Variants in STXBP4 observed in about 807,000 individuals in gnomAD.
STXBP4 encodes syntaxin binding protein 4, also known as syntaxin-binding protein 4.
STXBP4 carries 55 observed loss-of-function variants against 76.1 expected under a neutral mutation model. The observed-to-expected ratio is 0.72, with a 90% CI of 0.58 to 0.91. The LOEUF (loss-of-function observed/expected upper bound fraction) is 0.91, where lower values mean the gene tolerates loss of function less well. Ranked by LOEUF, STXBP4 falls within the 40% of genes least tolerant of loss-of-function variation. The probability of loss-of-function intolerance (pLI) is 0.00; values close to 1 mark genes in which losing one functional copy is unlikely to be tolerated. For synonymous variants in STXBP4, 201 were observed against 220.2 expected (o/e 0.91, Z 0.77); for missense variants, 618 against 636.9 (o/e 0.97, Z 0.32).
intron 17 of STXBP4, among the ~76,000 whole-genome samples, chr17:55,144,560 C>T (rs1741099503): frequency 6.6e-6 from 1 of 152,214 alleles, no homozygotes; most frequent in Non-Finnish European, 1.5e-5. Context: ...CCCTGTTCCT[C>T]TCCTCATGAC....
the STXBP4 span, among the ~76,000 whole-genome samples, chr17:55,212,957 T>C: frequency 6.6e-6 from 1 of 152,022 alleles, no homozygotes; most frequent in Non-Finnish European, 1.5e-5. Context: ...AGGAAGAGTG[T>C]AGGATGCTTG....
intron 12 of STXBP4, among the ~76,000 whole-genome samples, chr17:55,054,041 A>G (rs2078894034): frequency 2.0e-5 from 3 of 152,074 alleles, no homozygotes. Context: ...GCCCTCCTGT[A>G]TTTATTTCTG....
chr17:55,158,407 G>A (rs896645773), intron 17 of STXBP4, among the ~76,000 whole-genome samples: 1 of 152,170 alleles, frequency 6.6e-6, no homozygotes, highest in African/African-American at 2.4e-5. Flanking sequence ...TGGGGAGGAC[G>A]AAGGCTAGGG....
At chr17:55,065,318 A>G (rs1384092204) in intron 12 of STXBP4, among the ~76,000 whole-genome samples, 3 of 152,114 alleles carry the variant, frequency 2.0e-5, no homozygotes, top group Admixed American at 6.5e-5. Context: ...AGCTCTTGTT[A>G]TGTCTCGCTT....
the STXBP4 span, among the ~76,000 whole-genome samples, chr17:55,204,183 C>T: frequency 6.6e-6 from 1 of 151,810 alleles, no homozygotes; most frequent in East Asian, 1.9e-4. Context: ...TCTTCCAGTT[C>T]ACTAATTGTC....
intron 11 of STXBP4, chr17:55,043,841 G>T: frequency 1.7e-6 from 1 of 572,392 alleles, no homozygotes; most frequent in Middle Eastern, 3.1e-4. Flanking sequence ...TTGGTTTTTT[G>T]ATTCTTGTTT....
intron 16 of STXBP4, among the ~76,000 whole-genome samples, chr17:55,092,577 G>A (rs2079429406): frequency 6.6e-6 from 1 of 152,148 alleles, no homozygotes; most frequent in Non-Finnish European, 1.5e-5. Context: ...CTGTCAAGCA[G>A]TGACCATCTG....
intron 3 of STXBP4, among the ~76,000 whole-genome samples, chr17:54,988,729 A>G (rs1283992857): frequency 6.6e-6 from 1 of 152,104 alleles, no homozygotes; most frequent in African/African-American, 2.4e-5. Flanking sequence ...AGCTGAGATC[A>G]CGCCACTGCA....
intron 10 of STXBP4, among the ~76,000 whole-genome samples, chr17:55,034,597 A>G (rs888052357): frequency 2.0e-5 from 3 of 152,124 alleles, no homozygotes; most frequent in African/African-American, 7.2e-5. Context: ...TCTATAATAT[A>G]CACATAGAAA....
At chr17:54,995,911 C>T (rs2077793951) in intron 4 of STXBP4, among the ~76,000 whole-genome samples, 1 of 152,070 alleles carries the variant, frequency 6.6e-6, no homozygotes, top group African/African-American at 2.4e-5. Context: ...TAGCACTGTA[C>T]CAGGGAAATA....
intron 16 of STXBP4, among the ~76,000 whole-genome samples, chr17:55,139,649 G>A (rs537797041): frequency 2.6e-4 from 40 of 152,226 alleles, no homozygotes; most frequent in African/African-American, 9.4e-4. Context: ...ATCTGGCTGA[G>A]CATGTGCTTG....
chr17:55,004,855 A>G (rs115332321), intron 7 of STXBP4, among the ~76,000 whole-genome samples: 66 of 152,226 alleles, frequency 4.3e-4, no homozygotes, highest in African/African-American at 1.6e-3. Context: ...CCATACTTAG[A>G]AAAACTCACT....
intron 12 of STXBP4, among the ~76,000 whole-genome samples, chr17:55,058,959 T>TA: frequency 6.6e-6 from 1 of 152,186 alleles, no homozygotes; most frequent in East Asian, 1.9e-4. Context: ...ATTGCTCACT[T>TA]TATATATATT....
intron 8 of STXBP4, among the ~76,000 whole-genome samples, chr17:55,017,808 G>A (rs753838415): frequency 1.6e-4 from 24 of 152,136 alleles, no homozygotes; most frequent in Non-Finnish European, 3.2e-4. Context: ...GTTGGGAGTT[G>A]TTAGAAAGCC....
chr17:55,101,280 T>C (rs895632617), intron 16 of STXBP4, among the ~76,000 whole-genome samples: 1 of 152,204 alleles, frequency 6.6e-6, no homozygotes, highest in Non-Finnish European at 1.5e-5. Flanking sequence ...TTAGGGCTTT[T>C]AGGCACTCTT....
intron 8 of STXBP4, among the ~76,000 whole-genome samples, chr17:55,024,648 T>C: frequency 6.6e-6 from 1 of 152,098 alleles, no homozygotes; most frequent in East Asian, 1.9e-4. Flanking sequence ...TCCTGACCAA[T>C]AGATACAAGA....
intron 13 of STXBP4, among the ~76,000 whole-genome samples, chr17:55,073,532 G>A (rs2079146440): frequency 6.6e-6 from 1 of 152,096 alleles, no homozygotes; most frequent in Non-Finnish European, 1.5e-5. Flanking sequence ...AACTGAGTTT[G>A]AATTTTTTTT....
At chr17:55,022,717 T>C (rs2078336391) in intron 8 of STXBP4, among the ~76,000 whole-genome samples, 1 of 152,184 alleles carries the variant, frequency 6.6e-6, no homozygotes, top group Non-Finnish European at 1.5e-5. Context: ...GAAAAACTTC[T>C]GAGATATAAG....
chr17:55,187,502 C>T, the STXBP4 span, among the ~76,000 whole-genome samples: 1 of 152,080 alleles, frequency 6.6e-6, no homozygotes, highest in Non-Finnish European at 1.5e-5. Flanking sequence ...TGACAAGTCC[C>T]AGATCTTCTG....
Sources: allele counts gnomAD v4.1 joint callset (sites outside exome capture counted in the v4.1 genomes callset), GRCh38; gene constraint gnomAD v4.1.1; transcripts MANE v1.5; gene names NCBI Gene and HGNC (gene_info 2026-07-23, HGNC 2026-07-21).